FBXW11: variants seen among roughly 807,000 people sequenced by gnomAD.
The protein encoded by FBXW11 is F-box and WD repeat domain containing 11.
Under a neutral mutation model 77.6 loss-of-function variants are expected in FBXW11, and 19 were observed. The ratio of observed to expected loss-of-function variants is 0.24; its 90% CI spans 0.17 to 0.36. FBXW11 has a LOEUF of 0.36. FBXW11 is among the 10% of genes least tolerant of loss of function. The probability of loss-of-function intolerance (pLI) is 1.00; values close to 1 mark genes in which losing one functional copy is unlikely to be tolerated. For synonymous variants in FBXW11, 235 were observed against 249.4 expected, an observed-to-expected ratio of 0.94 and a Z score of 0.54; for missense variants, 334 against 704.2, an observed-to-expected ratio of 0.47 and a Z score of 5.95.
chr5:171,891,397 A>G, intron 7 of FBXW11, 70 bp downstream of exon 7: 1 of 1,395,138 alleles, frequency 7.2e-7, no homozygotes, highest in Non-Finnish European at 9.6e-7. Context: ...AAATGGAAAG[A>G]TTGTCACATC....
Position 171,931,850 on chromosome 5 carries a change from TCC to T in FBXW11, c.148-17447_148-17446del, listed in dbSNP as rs1762213638. On this transcript the variant is annotated intron_variant, in intron 2 of 13. Transcript: ENST00000517395. ...CTCTCTCTCTCCCTCCCTCCCTCCCTCCCTCCCTCCCTCTCTCTCTCTCTCTC... is the reference window on the plus strand; with the variant it reads ...CTCTCTCTCTCCCTCCCTCCCTCCCTCTCCCTCCCTCTCTCTCTCTCTCTC... Among the ~76,000 whole-genome samples the T allele has an allele frequency of 7.0e-4, 7 of 10,014 alleles. No individual in the cohort carries two copies. In the South Asian group the frequency reaches 0.041, roughly 59 times the overall value. 6.6% of individuals were successfully genotyped at this position (10,014 alleles called of 152,430 possible).
Position 171,967,883 on chromosome 5 carries a change from TACACACACACAC to T in FBXW11, c.46-10197_46-10186del, listed in dbSNP as rs59469025. Among the ~76,000 whole-genome samples the T allele has an allele frequency of 4.8e-3, 361 of 74,938 alleles. 6 individuals are homozygous for T. The highest frequency in any genetic ancestry group is 0.02 in the African/African-American group (340 of 16,846). 49.2% of individuals were successfully genotyped at this position (74,938 alleles called of 152,430 possible). A position where few individuals can be genotyped will look rare whatever the true frequency, so the allele number is the denominator to read the frequency against. On this transcript the variant is annotated intron_variant, in intron 1 of 13. Coordinates refer to ENST00000517395, the MANE Select transcript of FBXW11 (RefSeq NM_001378974.1). ...ATATATATATATATATATATATATA[TACACACACACAC>T]ACACACACACACACACACACACACA...
rs927463002 is a variant in FBXW11 at position 171,933,733 on chromosome 5, A to G, written c.148-19328T>C. Among the ~76,000 whole-genome samples the G allele has an allele frequency of 3.3e-5, 5 of 152,370 alleles. No individual in the cohort carries two copies. The East Asian group carries it at 5.8e-4, about 18-fold the overall frequency. The stretch of plus-strand genomic sequence containing the variant: ...TATCCTGCAAAGGAAGCCATGCAGT[A>G]AAGAAATAATACTTTGATAAGGAAT... On this transcript the variant is annotated intron_variant, in intron 2 of 13. Transcript: ENST00000517395.
chr5:171,990,169 G>T (rs1326792632), intron 1 of FBXW11, among the ~76,000 whole-genome samples: 2 of 150,676 alleles, frequency 1.3e-5, no homozygotes, highest in Non-Finnish European at 3.0e-5. Flanking sequence ...GAAGGGAGGG[G>T]GGTAGCAGAG....
At chr5:171,921,581 C>G (rs1016875373) in intron 2 of FBXW11, among the ~76,000 whole-genome samples, 3 of 151,884 alleles carry the variant, frequency 2.0e-5, no homozygotes, top group African/African-American at 7.3e-5. Context: ...TGAGAAGATC[C>G]CCTACACACA....
intron 1 of FBXW11, among the ~76,000 whole-genome samples, chr5:171,971,552 C>T (rs1335014340): frequency 6.6e-6 from 1 of 152,110 alleles, no homozygotes; most frequent in Admixed American, 6.6e-5. Context: ...TCACTCAAAT[C>T]CTTTTTCTGA....
chr5:171,938,791 G>T (rs923201992), intron 2 of FBXW11, among the ~76,000 whole-genome samples: 5 of 152,162 alleles, frequency 3.3e-5, no homozygotes, highest in Non-Finnish European at 5.9e-5. Flanking sequence ...ATAAACTATG[G>T]CATATGAACA....
chr5:171,869,719 G>C lies in FBXW11; in HGVS notation c.1530+10C>G. The C allele has an allele frequency of 1.2e-6, 2 of 1,602,920 alleles. No homozygotes were observed. The highest frequency in any genetic ancestry group is 1.1e-5 in the South Asian group (1 of 89,812). ...CAGGGAACCAATTCCCGTCTCAAGA[G>C]ATCACATACCACCAATGTGCGCAAA... On this transcript the variant is annotated intron_variant, in intron 12 of 13. Coordinates refer to ENST00000517395, the MANE Select transcript of FBXW11 (RefSeq NM_001378974.1). The surrounding 1 kb of genome is among the most constrained non-coding windows in gnomAD (Gnocchi z 4.1).
intron 2 of FBXW11, among the ~76,000 whole-genome samples, chr5:171,922,090 G>A (rs1330766346): frequency 7.2e-6 from 1 of 138,520 alleles, no homozygotes; most frequent in Non-Finnish European, 1.6e-5. Flanking sequence ...GGGAGGGAGG[G>A]AGGGAGGGAG....
At chr5:171,985,332 TCA>T (rs1765375434) in intron 1 of FBXW11, among the ~76,000 whole-genome samples, 1 of 152,084 alleles carries the variant, frequency 6.6e-6, no homozygotes, top group Admixed American at 6.6e-5. Context: ...TAGGCAGGGA[TCA>T]CACGCTCAAA....
intron 2 of FBXW11, among the ~76,000 whole-genome samples, chr5:171,929,725 G>A (rs751802068): frequency 6.9e-4 from 105 of 152,092 alleles, no homozygotes; most frequent in Non-Finnish European, 2.4e-4. Flanking sequence ...GGTGGCAGGC[G>A]CCTGTAGTCC....
At chr5:171,981,536 G>T (rs989637903) in intron 1 of FBXW11, among the ~76,000 whole-genome samples, 2 of 152,180 alleles carry the variant, frequency 1.3e-5, no homozygotes, top group African/African-American at 4.8e-5. Context: ...GGTAAATACA[G>T]TCAGAATTGA....
chr5:171,949,785 T>C (rs1021830966), intron 2 of FBXW11, among the ~76,000 whole-genome samples: 20 of 152,214 alleles, frequency 1.3e-4, no homozygotes, highest in African/African-American at 4.1e-4. Context: ...CAAGATACCA[T>C]TTCTGCATTT....
intron 2 of FBXW11, among the ~76,000 whole-genome samples, chr5:171,941,546 C>T (rs971481469): frequency 9.9e-5 from 15 of 151,032 alleles, no homozygotes; most frequent in African/African-American, 3.4e-4. Context: ...GCTAATTTAC[C>T]GATTTGATTC....
At chr5:171,921,413 A>C (rs1259530974) in intron 2 of FBXW11, among the ~76,000 whole-genome samples, 2 of 152,222 alleles carry the variant, frequency 1.3e-5, no homozygotes, top group Non-Finnish European at 2.9e-5. Flanking sequence ...CTAGTAAATG[A>C]GAGACACAGG....
chr5:171,873,657 A>T (rs1757893975), intron 9 of FBXW11, among the ~76,000 whole-genome samples: 3 of 152,162 alleles, frequency 2.0e-5, no homozygotes, highest in Non-Finnish European at 4.4e-5. Context: ...ACAAACAAAA[A>T]GTCTCACCTT....
chr5:171,966,756 C>T (rs1315000165), intron 1 of FBXW11, among the ~76,000 whole-genome samples: 1 of 152,114 alleles, frequency 6.6e-6, no homozygotes, highest in Non-Finnish European at 1.5e-5. Flanking sequence ...AGGACTAGGG[C>T]GAGACCTCTC....
intron 1 of FBXW11, among the ~76,000 whole-genome samples, chr5:171,998,466 T>C (rs946250031): frequency 5.4e-5 from 8 of 149,522 alleles, no homozygotes; most frequent in Admixed American, 5.3e-4. Flanking sequence ...TGAGCCCCCA[T>C]GCCCAGCCTA....
At chr5:171,901,256 G>A (rs1261503305) in intron 4 of FBXW11, among the ~76,000 whole-genome samples, 3 of 152,146 alleles carry the variant, frequency 2.0e-5, no homozygotes, top group Non-Finnish European at 4.4e-5. Context: ...GTTAATATCT[G>A]TTCTCTTTTC....
Sources: gnomAD v4.1 joint callset for allele counts (sites outside exome capture counted in the v4.1 genomes callset) on GRCh38, gnomAD v4.1.1 for gene constraint, Gnocchi (gnomAD v3.1) non-coding constraint, MANE v1.5 for transcripts, NCBI Gene and HGNC (gene_info 2026-07-23, HGNC 2026-07-21) for gene names.